Variants in SLC39A11 observed in about 807,000 individuals in gnomAD.
SLC39A11 encodes zinc transporter ZIP11.
In SLC39A11, 33 loss-of-function variants were observed where a neutral mutation model predicts 36.1. That is an observed-to-expected ratio of 0.91 (90% CI 0.69 to 1.22). The LOEUF (loss-of-function observed/expected upper bound fraction) is 1.22, where lower values mean the gene tolerates loss of function less well. SLC39A11 is among the 50% of genes most tolerant of loss of function. The pLI is 0.00. For missense variants in SLC39A11, 432 were observed against 430.3 expected (o/e 1.00, Z -0.03); for synonymous variants, 166 against 170.3 (o/e 0.97, Z 0.20).
At chr17:72,774,047 A>G (rs371963491) in intron 6 of SLC39A11, among the ~76,000 whole-genome samples, 1 of 152,188 alleles carries the variant, frequency 6.6e-6, no homozygotes, top group Non-Finnish European at 1.5e-5. Flanking sequence ...TGGGCTTCCA[A>G]TTAACTGCCC....
At chr17:72,679,411 T>G (rs1005760710) in intron 7 of SLC39A11, among the ~76,000 whole-genome samples, 5 of 151,970 alleles carry the variant, frequency 3.3e-5, no homozygotes, top group African/African-American at 7.3e-5. Flanking sequence ...AAAAATAAAA[T>G]AAAAGAATAG....
intron 5 of SLC39A11, among the ~76,000 whole-genome samples, chr17:72,902,876 T>A (rs1208025503): frequency 6.6e-6 from 1 of 152,230 alleles, no homozygotes; most frequent in African/African-American, 2.4e-5. Flanking sequence ...GAGTGGATCT[T>A]GCCTTGCAAA....
intron 7 of SLC39A11, among the ~76,000 whole-genome samples, chr17:72,729,552 C>T (rs1336487210): frequency 7.0e-6 from 1 of 142,528 alleles, no homozygotes; most frequent in African/African-American, 2.6e-5. Flanking sequence ...CCTATGTCAG[C>T]CTCCCAACAT....
At chr17:73,051,989 T>C (rs950668167) in intron 3 of SLC39A11, among the ~76,000 whole-genome samples, 27 of 151,920 alleles carry the variant, frequency 1.8e-4, no homozygotes, top group African/African-American at 6.5e-4. Flanking sequence ...TCTATGGGCC[T>C]CAGTTTTGTC....
intron 6 of SLC39A11, among the ~76,000 whole-genome samples, chr17:72,815,262 G>T (rs997892904): frequency 6.6e-5 from 10 of 152,306 alleles, no homozygotes; most frequent in Non-Finnish European, 1.2e-4. Context: ...AGGTTAGGAA[G>T]ACATTGATAT....
chr17:72,973,351 T>C (rs149408968), intron 4 of SLC39A11, among the ~76,000 whole-genome samples: 1 of 151,872 alleles, frequency 6.6e-6, no homozygotes, highest in East Asian at 2.0e-4. Context: ...ACCTGAGTGA[T>C]GGCTGTCGCA....
At chr17:72,995,916 A>G (rs1052904865) in intron 4 of SLC39A11, among the ~76,000 whole-genome samples, 1 of 151,978 alleles carries the variant, frequency 6.6e-6, no homozygotes. Context: ...CCCACATCCA[A>G]TTGGTTACCA....
chr17:72,828,766 A>G (rs2078140309), intron 6 of SLC39A11, among the ~76,000 whole-genome samples: 1 of 152,074 alleles, frequency 6.6e-6, no homozygotes, highest in Non-Finnish European at 1.5e-5. Context: ...ACCCTGGTCC[A>G]GGTGCTGCTG....
At chr17:72,649,036 C>G in intron 8 of SLC39A11, 75 bp from the exon 9 acceptor site, 2 of 1,563,924 alleles carry the variant, frequency 1.3e-6, no homozygotes, top group South Asian at 1.2e-5. Context: ...ACTGTTGGCT[C>G]AACCCTAGCA....
intron 4 of SLC39A11, among the ~76,000 whole-genome samples, chr17:72,950,477 C>T (rs1003160201): frequency 3.9e-5 from 6 of 152,300 alleles, no homozygotes; most frequent in Admixed American, 6.5e-5. Context: ...TGATATGCCA[C>T]GGGCCATGGA....
chr17:73,044,241 C>G (rs2059198339), intron 3 of SLC39A11, among the ~76,000 whole-genome samples: 1 of 152,130 alleles, frequency 6.6e-6, no homozygotes, highest in African/African-American at 2.4e-5. Context: ...AAGACTTGCA[C>G]AAGAATGTTC....
chr17:72,660,244 G>A (rs1244391394), intron 7 of SLC39A11, among the ~76,000 whole-genome samples: 3 of 152,182 alleles, frequency 2.0e-5, no homozygotes, highest in Non-Finnish European at 4.4e-5. Context: ...ACCAGCTCAA[G>A]TCTTTCATTA....
chr17:72,684,474 C>T (rs752379894), intron 7 of SLC39A11, among the ~76,000 whole-genome samples: 1 of 152,330 alleles, frequency 6.6e-6, no homozygotes, highest in Middle Eastern at 3.4e-3. Flanking sequence ...TTTGGGCAGG[C>T]GTGCCCTGCT....
chr17:72,681,974 G>A (rs897378070), intron 7 of SLC39A11, among the ~76,000 whole-genome samples: 6 of 152,244 alleles, frequency 3.9e-5, no homozygotes, highest in African/African-American at 9.6e-5. Context: ...GCAGGCAAGC[G>A]AACGAAGCTT....
intron 6 of SLC39A11, among the ~76,000 whole-genome samples, chr17:72,841,403 G>T (rs1028003360): frequency 6.6e-5 from 10 of 152,194 alleles, no homozygotes; most frequent in Admixed American, 2.0e-4. Context: ...CAACAACATG[G>T]ATGGAACTGG....
At chr17:72,717,630 T>G (rs747261628) in intron 7 of SLC39A11, among the ~76,000 whole-genome samples, 1 of 152,238 alleles carries the variant, frequency 6.6e-6, no homozygotes, top group Non-Finnish European at 1.5e-5. Flanking sequence ...CCCAGTCATG[T>G]TGGACTTAGG....
At chr17:72,827,433 A>G (rs2078075403) in intron 6 of SLC39A11, among the ~76,000 whole-genome samples, 1 of 152,196 alleles carries the variant, frequency 6.6e-6, no homozygotes, top group African/African-American at 2.4e-5. Context: ...TGGTTGCACA[A>G]TTTTGTGAAT....
intron 4 of SLC39A11, among the ~76,000 whole-genome samples, chr17:72,948,906 T>G (rs1043985120): frequency 6.6e-6 from 1 of 152,034 alleles, no homozygotes; most frequent in African/African-American, 2.4e-5. Flanking sequence ...AAAGGCATCA[T>G]CTGGAAGCCC....
rs372063746 is a variant in SLC39A11 at position 72,764,819 on chromosome 17, G to A, written c.602-28100C>T. 3.9e-4 allele frequency among the ~76,000 whole-genome samples: 60 copies of A among 152,272 alleles called. No homozygotes were observed. In the South Asian group the frequency reaches 0.01, roughly 26 times the overall value. ...CAGTGCTGGTGGGGAGTTCAGGCAC[G>A]TTTCCAAAAACCAACCACAAAAAGT... On this transcript the variant is annotated intron_variant, in intron 6 of 9. Transcript: ENST00000255559.
Sources: allele counts gnomAD v4.1 joint callset (sites outside exome capture counted in the v4.1 genomes callset), GRCh38; gene constraint gnomAD v4.1.1; transcripts MANE v1.5; gene names NCBI Gene and HGNC (gene_info 2026-07-23, HGNC 2026-07-21).